Variants in TSHZ2 observed in about 807,000 individuals in gnomAD.
TSHZ2 encodes teashirt zinc finger homeobox 2, also known as teashirt homolog 2.
A neutral mutation model predicts 74.4 loss-of-function variants in TSHZ2; 21 were observed. The ratio of observed to expected loss-of-function variants is 0.28; its 90% CI spans 0.20 to 0.41. The LOEUF is 0.41. Among genes scored for constraint, TSHZ2 ranks in the 10% least tolerant of loss-of-function variants. The pLI, the probability that TSHZ2 is intolerant of heterozygous loss-of-function variation, is 1.00. For synonymous variants in TSHZ2, 540 were observed against 515.3 expected (o/e 1.05, Z -0.65); for missense variants, 1,244 against 1,293.5 (o/e 0.96, Z 0.59).
chr20:53,186,288 G>T (rs1988597816), intron 1 of TSHZ2, among the ~76,000 whole-genome samples: 1 of 152,190 alleles, frequency 6.6e-6, no homozygotes, highest in African/African-American at 2.4e-5. Flanking sequence ...TTCTTTTAGA[G>T]CTGGGTATTA....
At position 53,482,605 on chromosome 20, in the gene TSHZ2, C is replaced by A. The variant is rs116840230; in HGVS notation, c.*9-4539C>A. ...ACTATATACACCTACTATGTGCACA[C>A]AAAAATTAAAAATAGGGCTGCACAT... On this transcript the variant is annotated intron_variant, in intron 2 of 2. Transcript: ENST00000371497. Among the ~76,000 whole-genome samples the A allele has an allele frequency of 7.1e-3, 1,078 of 152,176 alleles. 21 individuals carry two copies. Among genetic ancestry groups the A allele is most frequent in the Middle Eastern group, 0.024 (7 of 294 alleles).
intron 1 of TSHZ2, among the ~76,000 whole-genome samples, chr20:53,227,816 T>C (rs1989718806): frequency 6.6e-6 from 1 of 152,172 alleles, no homozygotes; most frequent in Non-Finnish European, 1.5e-5. Flanking sequence ...GCTATATCAG[T>C]ACTGACTTCA....
rs1989960865 is a variant in TSHZ2, at chr20:53,237,209, T to A, written c.41-16290T>A. ...GGAAGCAAACAGGGTTCTTATGAAG[T>A]GCTGTAGAATAGGTTGTCTTCACAG... On this transcript the variant is annotated intron_variant, in intron 1 of 2. Coordinates refer to ENST00000371497, the MANE Select transcript of TSHZ2 (RefSeq NM_173485.6). Among the ~76,000 whole-genome samples, 3 of 152,210 alleles carry A rather than the reference T, an allele frequency of 2.0e-5. No individual in the cohort carries two copies. The South Asian group carries it at 6.2e-4, about 32-fold the overall frequency.
At chr20:53,033,504 C>T (rs1337534026) in intron 1 of TSHZ2, among the ~76,000 whole-genome samples, 1 of 152,082 alleles carries the variant, frequency 6.6e-6, no homozygotes, top group African/African-American at 2.4e-5. Flanking sequence ...AAGCATGATC[C>T]GCCTTCTAAC....
intron 1 of TSHZ2, among the ~76,000 whole-genome samples, chr20:53,219,102 C>G (rs1302981784): frequency 2.6e-5 from 4 of 152,172 alleles, no homozygotes; most frequent in Non-Finnish European, 5.9e-5. Context: ...CTGTGTCTCC[C>G]CCTTGGAGGC....
intron 2 of TSHZ2, among the ~76,000 whole-genome samples, chr20:53,270,800 A>G (rs560550672): frequency 1.3e-5 from 2 of 152,292 alleles, no homozygotes; most frequent in East Asian, 3.9e-4. Flanking sequence ...CGATGGAGAA[A>G]AAAATGATGT....
At chr20:53,105,677 T>C (rs977680696) in intron 1 of TSHZ2, among the ~76,000 whole-genome samples, 1 of 152,098 alleles carries the variant, frequency 6.6e-6, no homozygotes, top group African/African-American at 2.4e-5. Context: ...AACAGGGACT[T>C]ACAGGGTGGC....
At chr20:53,373,171 T>C (rs958942785) in intron 2 of TSHZ2, among the ~76,000 whole-genome samples, 1 of 152,252 alleles carries the variant, frequency 6.6e-6, no homozygotes. Flanking sequence ...GATTAGATAA[T>C]GACGCAATTA....
At chr20:53,427,693 GCTCTATCCACTGCAGTAGAGGGT>G (rs1983702127) in intron 2 of TSHZ2, among the ~76,000 whole-genome samples, 1 of 152,144 alleles carries the variant, frequency 6.6e-6, no homozygotes, top group Non-Finnish European at 1.5e-5. Context: ...GAAGTGAATA[GCTCTATCCACTGCAGTAGAGGGT>G]CACCTCCCGG....
chr20:53,117,195 T>C (rs1339720551), intron 1 of TSHZ2, among the ~76,000 whole-genome samples: 1 of 152,084 alleles, frequency 6.6e-6, no homozygotes, highest in Non-Finnish European at 1.5e-5. Context: ...CTACAGCATA[T>C]GAATTTTAAG....
At chr20:53,077,723 C>A (rs1253224764) in intron 1 of TSHZ2, among the ~76,000 whole-genome samples, 1 of 152,160 alleles carries the variant, frequency 6.6e-6, no homozygotes, top group African/African-American at 2.4e-5. Context: ...GACAAAAGGC[C>A]AGTCAGTGTG....
At chr20:53,379,414 C>T (rs6063932) in intron 2 of TSHZ2, among the ~76,000 whole-genome samples, 23,108 of 151,774 alleles carry the variant, frequency 0.15, 2,265 homozygotes, top group South Asian at 0.34. Flanking sequence ...TAAAGGCTCA[C>T]AATAAATGTA....
At chr20:53,155,598 A>G (rs890321808) in intron 1 of TSHZ2, among the ~76,000 whole-genome samples, 1 of 151,960 alleles carries the variant, frequency 6.6e-6, no homozygotes, top group African/African-American at 2.4e-5. Flanking sequence ...GGGACAGATC[A>G]CTGAAGATTG....
At chr20:53,341,875 T>C (rs532990715) in intron 2 of TSHZ2, among the ~76,000 whole-genome samples, 5 of 152,238 alleles carry the variant, frequency 3.3e-5, no homozygotes, top group African/African-American at 9.6e-5. Flanking sequence ...CACACCCAGC[T>C]AATTTTTGTA....
At chr20:53,230,377 C>T (rs1390688696) in intron 1 of TSHZ2, among the ~76,000 whole-genome samples, 2 of 152,150 alleles carry the variant, frequency 1.3e-5, no homozygotes, top group Non-Finnish European at 2.9e-5. Flanking sequence ...CTCCTTCCTT[C>T]TCCTTTCCCT....
intron 2 of TSHZ2, among the ~76,000 whole-genome samples, chr20:53,480,318 C>T (rs1212127082): frequency 2.0e-5 from 3 of 151,922 alleles, no homozygotes; most frequent in African/African-American, 7.2e-5. Flanking sequence ...ATCCACCTGC[C>T]TCAGCCTCCC....
chr20:52,998,999 C>G (rs528268673), intron 1 of TSHZ2, among the ~76,000 whole-genome samples: 220 of 152,318 alleles, frequency 1.4e-3, no homozygotes, highest in Non-Finnish European at 2.4e-3. Context: ...ACTTAATCCT[C>G]ACAACATTTT....
chr20:53,242,088 TGTC>T (rs559455060), intron 1 of TSHZ2, among the ~76,000 whole-genome samples: 213 of 152,312 alleles, frequency 1.4e-3, no homozygotes, highest in African/African-American at 4.9e-3. Context: ...CACACTTACT[TGTC>T]GTCAATTCCC....
intron 2 of TSHZ2, among the ~76,000 whole-genome samples, chr20:53,278,295 G>A (rs561636149): frequency 3.5e-4 from 53 of 152,302 alleles, no homozygotes; most frequent in Admixed American, 3.4e-3. Context: ...TTCTGAAATG[G>A]TAGGTAGCCT....
Sources: gnomAD v4.1 joint callset for allele counts (sites outside exome capture counted in the v4.1 genomes callset) on GRCh38, gnomAD v4.1.1 for gene constraint, MANE v1.5 for transcripts, NCBI Gene and HGNC (gene_info 2026-07-23, HGNC 2026-07-21) for gene names.